Variants in PPP4R2 observed in about 807,000 individuals in gnomAD.
The protein encoded by PPP4R2 is serine/threonine-protein phosphatase 4 regulatory subunit 2.
Under a neutral mutation model 47.2 loss-of-function variants are expected in PPP4R2, and 13 were observed. The ratio of observed to expected loss-of-function variants is 0.28; its 90% confidence interval spans 0.18 to 0.44. PPP4R2 has a LOEUF of 0.44. Ranked by LOEUF, PPP4R2 falls within the 20% of genes least tolerant of loss-of-function variation. PPP4R2 has a pLI of 1.00. For missense variants in PPP4R2, 421 were observed against 491.2 expected (o/e 0.86, Z 1.35); for synonymous variants, 151 against 163.3 (o/e 0.92, Z 0.57).
chr3:73,015,437 A>G (rs554450618), intron 2 of PPP4R2, among the ~76,000 whole-genome samples: 1 of 149,690 alleles, frequency 6.7e-6, no homozygotes, highest in South Asian at 2.1e-4. Context: ...TTGGCCTCCC[A>G]AAGTTGGGAT....
At chr3:73,029,466 T>C (rs1400890402) in intron 2 of PPP4R2, among the ~76,000 whole-genome samples, 1 of 152,194 alleles carries the variant, frequency 6.6e-6, no homozygotes, top group Non-Finnish European at 1.5e-5. Context: ...CAACAGGATT[T>C]CCAGGCAAGA....
chr3:73,062,489 A>G lies in PPP4R2; in HGVS notation c.420-1184A>G, dbSNP rs763239768. The G allele has an allele frequency of 4.3e-6, 7 of 1,613,510 alleles. No individual in the cohort carries two copies. In the South Asian group the frequency reaches 6.6e-5, roughly 15 times the overall value. ...TCTTGTGTTTCATATTTGATGGGTT[A>G]CACCAGGCATTACTGAGTGTTGGTG... On this transcript the variant is annotated intron_variant, in intron 5 of 8. Transcript: ENST00000356692.
intron 4 of PPP4R2, 51 bp from the exon 5 acceptor site, chr3:73,060,972 T>A (rs555688235): frequency 7.7e-7 from 1 of 1,300,822 alleles, no homozygotes; most frequent in African/African-American, 1.5e-5. Context: ...GATGAAACTT[T>A]ATGTTGTAGT....
intron 5 of PPP4R2, chr3:73,063,467 T>TA (rs1183652470): frequency 1.2e-4 from 56 of 452,008 alleles, no homozygotes; most frequent in South Asian, 7.4e-4. Flanking sequence ...CTACTAAAAA[T>TA]AAAAAAAATA....
chr3:73,064,668 G>A (rs575874621), intron 7 of PPP4R2, among the ~76,000 whole-genome samples, 184 bp from the exon 8 acceptor site: 1 of 152,130 alleles, frequency 6.6e-6, no homozygotes, highest in South Asian at 2.1e-4. Flanking sequence ...AGTCCTACTG[G>A]GAATTATTCA....
chr3:72,998,358 A>G (rs571620981), intron 2 of PPP4R2, among the ~76,000 whole-genome samples, 200 bp downstream of exon 2: 1 of 152,370 alleles, frequency 6.6e-6, no homozygotes, highest in South Asian at 2.1e-4. Flanking sequence ...AACGGATTTT[A>G]AAAACCTGTG....
chr3:73,032,727 A>T (rs754136866), intron 2 of PPP4R2, among the ~76,000 whole-genome samples: 1 of 152,174 alleles, frequency 6.6e-6, no homozygotes, highest in Non-Finnish European at 1.5e-5. Flanking sequence ...TCCTTCTCCA[A>T]GCATGCACAC....
chr3:73,010,422 A>G (rs541789444), intron 2 of PPP4R2, among the ~76,000 whole-genome samples: 1 of 152,278 alleles, frequency 6.6e-6, no homozygotes, highest in South Asian at 2.1e-4. Flanking sequence ...GAGGCTCTGT[A>G]GAGTGAAGAG....
At chr3:72,997,329 CT>C (rs2107186239) in intron 1 of PPP4R2, 1 of 384,048 alleles carries the variant, frequency 2.6e-6, no homozygotes, top group East Asian at 3.8e-5. Context: ...GGGCCCCAGT[CT>C]TTCTCCCACC....
chr3:73,027,660 G>GT (rs1491415385), intron 2 of PPP4R2: 84 of 24,120 alleles, frequency 3.5e-3, no homozygotes, highest in Admixed American at 0.03. Flanking sequence ...TACTTGTGAG[G>GT]TGTGTGTGTG....
At chr3:73,054,643 A>G (rs1230485285) in intron 3 of PPP4R2, among the ~76,000 whole-genome samples, 3 of 152,132 alleles carry the variant, frequency 2.0e-5, no homozygotes, top group African/African-American at 7.2e-5. Context: ...TCAGATTTTT[A>G]TGGTCATTTC....
rs762683301 is a variant in PPP4R2 at position 73,062,295 on chromosome 3, G to GGTC, written c.419+1235_419+1236insGTC. The GGTC allele has an allele frequency of 2.5e-6, 4 of 1,607,534 alleles. No individual in the cohort carries two copies. In the South Asian group the frequency reaches 4.5e-5, roughly 18 times the overall value. On this transcript the variant is annotated intron_variant, in intron 5 of 8. Coordinates refer to ENST00000356692, the MANE Select transcript of PPP4R2 (RefSeq NM_174907.4). ...CGCAATGGACAGGAGTGGGCTCCCTGACCTTCAAGGAAGATTTGAGCTATC... is the reference window on the plus strand; with the variant it reads ...CGCAATGGACAGGAGTGGGCTCCCTGGTCACCTTCAAGGAAGATTTGAGCTATC...
chr3:73,032,397 TC>T (rs1702182736), intron 2 of PPP4R2, among the ~76,000 whole-genome samples: 1 of 52,688 alleles, frequency 1.9e-5, no homozygotes, highest in African/African-American at 1.2e-4. Context: ...CAAGCGATTC[TC>T]CTGCCTCAGC....
chr3:73,001,143 A>G (rs992701705), intron 2 of PPP4R2, among the ~76,000 whole-genome samples: 1 of 152,170 alleles, frequency 6.6e-6, no homozygotes, highest in Non-Finnish European at 1.5e-5. Flanking sequence ...TTTCAAGACT[A>G]CAATCTTGGT....
chr3:73,016,564 T>C (rs577179294), intron 2 of PPP4R2, among the ~76,000 whole-genome samples: 1 of 152,262 alleles, frequency 6.6e-6, no homozygotes, highest in Non-Finnish European at 1.5e-5. Context: ...TTTAAAAAAA[T>C]GGTAAGACCA....
chr3:73,009,729 A>G (rs1701684289), intron 2 of PPP4R2, among the ~76,000 whole-genome samples: 2 of 152,202 alleles, frequency 1.3e-5, no homozygotes, highest in Admixed American at 6.5e-5. Flanking sequence ...GTTATTCAGG[A>G]TCCATAGCAA....
intron 2 of PPP4R2, among the ~76,000 whole-genome samples, chr3:73,002,903 A>T (rs1378063506): frequency 6.6e-6 from 1 of 151,664 alleles, no homozygotes; most frequent in Non-Finnish European, 1.5e-5. Context: ...TGGCCTCCCA[A>T]AGTGCTGGGA....
At chr3:73,021,816 ATTACT>A (rs900598836) in intron 2 of PPP4R2, among the ~76,000 whole-genome samples, 1 of 151,418 alleles carries the variant, frequency 6.6e-6, no homozygotes, top group African/African-American at 2.4e-5. Flanking sequence ...AATTTTAAAA[ATTACT>A]TTAACAGTGA....
Position 73,066,241 on chromosome 3 carries a change from T to C in PPP4R2, c.*519T>C, listed in dbSNP as rs301536. On this transcript the variant is annotated 3_prime_UTR_variant, in exon 9 of 9. Coordinates refer to ENST00000356692, the MANE Select transcript of PPP4R2 (RefSeq NM_174907.4). ...GAACTTTAAGTCATATATACATACA[T>C]ATATATATATATATATATATAATTC... 2.8e-5 allele frequency: 4 copies of C among 143,130 alleles called. No homozygotes were observed. The highest frequency in any genetic ancestry group is 6.1e-5 in the Non-Finnish European group (4 of 65,466). The allele number at this position is 143,130 out of a possible 1,614,324, so 8.9% of individuals were successfully genotyped here. A position where few individuals can be genotyped will look rare whatever the true frequency, so the allele number is the denominator to read the frequency against.
Sources: gnomAD v4.1 joint callset for allele counts (sites outside exome capture counted in the v4.1 genomes callset) on GRCh38, gnomAD v4.1.1 for gene constraint, MANE v1.5 for transcripts, NCBI Gene and HGNC (gene_info 2026-07-23, HGNC 2026-07-21) for gene names.